Variants in DCLK2 observed in about 807,000 individuals in gnomAD.
DCLK2 encodes serine/threonine-protein kinase DCLK2.
Under a neutral mutation model 78.4 loss-of-function variants are expected in DCLK2, and 31 were observed. The ratio of observed to expected loss-of-function variants is 0.40; its 90% CI spans 0.30 to 0.53. DCLK2 has a LOEUF of 0.53. Ranked by LOEUF, DCLK2 falls within the 20% of genes least tolerant of loss-of-function variation. The pLI, the probability that DCLK2 is intolerant of heterozygous loss-of-function variation, is 0.61. For synonymous variants in DCLK2, 407 were observed against 374.9 expected, an observed-to-expected ratio of 1.09 and a Z score of -0.99; for missense variants, 872 against 973.7, an observed-to-expected ratio of 0.90 and a Z score of 1.39.
intron 5 of DCLK2, among the ~76,000 whole-genome samples, chr4:150,217,244 T>C (rs918900189): frequency 6.6e-6 from 1 of 152,184 alleles, no homozygotes; most frequent in Non-Finnish European, 1.5e-5. Context: ...ACAGCTTTAT[T>C]TCCTCTGTTT....
intron 2 of DCLK2, among the ~76,000 whole-genome samples, chr4:150,182,316 G>A (rs62338216): frequency 0.18 from 27,639 of 152,072 alleles, 2,691 homozygotes; most frequent in Non-Finnish European, 0.22. Flanking sequence ...TAAAGTGATG[G>A]AATTACAGAC....
At chr4:150,211,589 C>T (rs1017176711) in intron 5 of DCLK2, among the ~76,000 whole-genome samples, 20 of 152,300 alleles carry the variant, frequency 1.3e-4, no homozygotes, top group Admixed American at 3.3e-4. Flanking sequence ...CTCATCCTGT[C>T]CTTTCCAACC....
chr4:150,122,187 A>G (rs1402134230), intron 2 of DCLK2, among the ~76,000 whole-genome samples: 1 of 152,206 alleles, frequency 6.6e-6, no homozygotes, highest in East Asian at 1.9e-4. Context: ...TGCTTTATCA[A>G]CTAAGTTTAT....
intron 2 of DCLK2, among the ~76,000 whole-genome samples, chr4:150,170,767 T>C (rs966795150): frequency 6.6e-6 from 1 of 151,992 alleles, no homozygotes; most frequent in Admixed American, 6.5e-5. Context: ...AGAATCTTGG[T>C]ATTTATTTGA....
chr4:150,149,672 C>A (rs901475728), intron 2 of DCLK2, among the ~76,000 whole-genome samples: 2 of 152,188 alleles, frequency 1.3e-5, no homozygotes, highest in Non-Finnish European at 2.9e-5. Flanking sequence ...TGTTATTTCA[C>A]ACATAAAAGC....
chr4:150,099,152 A>G (rs1224934262), intron 1 of DCLK2, among the ~76,000 whole-genome samples: 2 of 152,218 alleles, frequency 1.3e-5, no homozygotes, highest in Non-Finnish European at 2.9e-5. Context: ...TACAGTACCA[A>G]GAATCTGTGT....
At chr4:150,184,317 C>T (rs533365197) in intron 2 of DCLK2, among the ~76,000 whole-genome samples, 1 of 152,178 alleles carries the variant, frequency 6.6e-6, no homozygotes, top group Middle Eastern at 3.2e-3. Context: ...ATGGACATTA[C>T]TATGTAGCCA....
chr4:150,088,106 C>T (rs554645518), intron 1 of DCLK2, among the ~76,000 whole-genome samples: 4 of 152,276 alleles, frequency 2.6e-5, no homozygotes, highest in South Asian at 4.1e-4. Context: ...GAGAGTCTCT[C>T]CCCTGATGTC....
At chr4:150,228,755 G>A (rs1395158418) in intron 8 of DCLK2, among the ~76,000 whole-genome samples, 5 of 152,208 alleles carry the variant, frequency 3.3e-5, no homozygotes, top group East Asian at 1.9e-4. Context: ...GGCCGGGCGC[G>A]GTGGCTCACG....
intron 2 of DCLK2, among the ~76,000 whole-genome samples, chr4:150,144,651 A>G (rs1734335269): frequency 6.6e-6 from 1 of 152,114 alleles, no homozygotes; most frequent in African/African-American, 2.4e-5. Context: ...CAGTGGCATG[A>G]TCACAGCTCA....
Position 150,210,967 on chromosome 4 carries a change from AG to A in DCLK2, c.1056+7079del, listed in dbSNP as rs1489182417. Among the ~76,000 whole-genome samples, 304 of 139,832 alleles carry A rather than the reference AG, an allele frequency of 2.2e-3. 4 individuals carry two copies. The highest frequency in any genetic ancestry group is 3.3e-3 in the Non-Finnish European group (200 of 60,880). The allele number at this position is 139,832 out of a possible 152,430, so 91.7% of individuals were successfully genotyped here. A position where few individuals can be genotyped will look rare whatever the true frequency, so the allele number is the denominator to read the frequency against. On this transcript the variant is annotated intron_variant, in intron 5 of 15. Transcript: ENST00000296550. ...CTGTCTCAAAAAAAAAAAAAAAGAAAGAAAGAAAAAGGTTATCCCAAAATTT... is the reference window on the plus strand; with the variant it reads ...CTGTCTCAAAAAAAAAAAAAAAGAAAAAAGAAAAAGGTTATCCCAAAATTT...
chr4:150,255,847 C>T (rs970646896), intron 15 of DCLK2, among the ~76,000 whole-genome samples, 173 bp from the exon 16 acceptor site: 7 of 152,128 alleles, frequency 4.6e-5, no homozygotes, highest in African/African-American at 1.2e-4. Flanking sequence ...CCCCTTCCCC[C>T]GGTGGGTTCC....
At chr4:150,121,050 A>G (rs539027359) in intron 2 of DCLK2, among the ~76,000 whole-genome samples, 1 of 151,996 alleles carries the variant, frequency 6.6e-6, no homozygotes, top group Non-Finnish European at 1.5e-5. Flanking sequence ...CAGCCTGGGC[A>G]ACAAGAGTGA....
intron 2 of DCLK2, among the ~76,000 whole-genome samples, chr4:150,106,033 C>T (rs1332738552): frequency 2.6e-5 from 4 of 152,034 alleles, no homozygotes; most frequent in Non-Finnish European, 5.9e-5. Context: ...GAAATTCATA[C>T]ACATTATGAG....
intron 8 of DCLK2, among the ~76,000 whole-genome samples, chr4:150,230,412 C>T (rs1195066287): frequency 6.6e-6 from 1 of 152,204 alleles, no homozygotes; most frequent in Non-Finnish European, 1.5e-5. Flanking sequence ...AACACAAACA[C>T]AGCCCCCAGG....
intron 4 of DCLK2, among the ~76,000 whole-genome samples, chr4:150,201,434 T>G (rs1337205867): frequency 6.6e-6 from 1 of 152,288 alleles, no homozygotes; most frequent in Non-Finnish European, 1.5e-5. Context: ...TAAGAACTAC[T>G]CATTCAAGCA....
intron 10 of DCLK2, among the ~76,000 whole-genome samples, chr4:150,237,169 CTG>C (rs1742573497): frequency 1.3e-5 from 2 of 152,002 alleles, no homozygotes; most frequent in Non-Finnish European, 2.9e-5. Flanking sequence ...ATTCTTATCA[CTG>C]TAATTACTTA....
chr4:150,118,563 A>G (rs1204041715), intron 2 of DCLK2, among the ~76,000 whole-genome samples: 1 of 152,226 alleles, frequency 6.6e-6, no homozygotes, highest in Non-Finnish European at 1.5e-5. Context: ...TATACAGTAT[A>G]CATGTATACT....
intron 2 of DCLK2, among the ~76,000 whole-genome samples, chr4:150,106,989 G>A (rs1165729836): frequency 6.6e-6 from 1 of 152,076 alleles, no homozygotes; most frequent in East Asian, 1.9e-4. Flanking sequence ...ACCAGGGACA[G>A]TTTTGTCCCT....
Sources: allele counts gnomAD v4.1 joint callset (sites outside exome capture counted in the v4.1 genomes callset), GRCh38; gene constraint gnomAD v4.1.1; transcripts MANE v1.5; gene names NCBI Gene and HGNC (gene_info 2026-07-23, HGNC 2026-07-21).